Variants in CARM1 observed in about 807,000 individuals in gnomAD.
CARM1 encodes the protein coactivator associated arginine methyltransferase 1.
Under a neutral mutation model 72.7 loss-of-function variants are expected in CARM1, and 14 were observed. The observed-to-expected ratio is 0.19, with a 90% confidence interval of 0.13 to 0.30. The LOEUF (loss-of-function observed/expected upper bound fraction) is 0.30, where lower values mean the gene tolerates loss of function less well. Among genes scored for constraint, CARM1 ranks in the 10% least tolerant of loss-of-function variants. The probability of loss-of-function intolerance (pLI) is 1.00; values close to 1 mark genes in which losing one functional copy is unlikely to be tolerated. For synonymous variants in CARM1, 333 were observed against 345.5 expected, an observed-to-expected ratio of 0.96 and a Z score of 0.40; for missense variants, 432 against 833.7, an observed-to-expected ratio of 0.52 and a Z score of 5.93.
intron 1 of CARM1, among the ~76,000 whole-genome samples, chr19:10,877,594 G>A (rs1156328917): frequency 6.6e-6 from 1 of 151,346 alleles, no homozygotes; most frequent in Non-Finnish European, 1.5e-5. Flanking sequence ...GCTAATTTTT[G>A]TATTTTTAGT....
Position 10,905,024 on chromosome 19 carries a change from C to T in CARM1, c.294C>T (p.Phe98=). Residue 98 remains phenylalanine, a synonymous_variant, in exon 2 of 16, where the codon TTC becomes TTT. Transcript: ENST00000327064. ...GCAGCCGTGTGGGCAAGCAGTCCTT[C>T]ATCATCACCCTGGGCTGCAACAGCG... ...TECSRVGKQS[F]IITLGCNSVL... is the part of the protein sequence containing the mutation. 1 of 1,614,222 alleles carries T rather than the reference C, an allele frequency of 6.2e-7. No homozygotes were observed.
At chr19:10,921,178 C>G (rs935800355) in intron 14 of CARM1, 51 bp downstream of exon 14, 1 of 1,575,312 alleles carries the variant, frequency 6.3e-7, no homozygotes, top group African/African-American at 1.3e-5. Context: ...CCAGGACTGC[C>G]CAGGGGCCGG....
At chr19:10,899,362 G>A (rs893513905) in intron 1 of CARM1, among the ~76,000 whole-genome samples, 6 of 152,214 alleles carry the variant, frequency 3.9e-5, no homozygotes, top group African/African-American at 1.4e-4. Flanking sequence ...ACTTGCTGTC[G>A]CCCAGGTGTG....
intron 1 of CARM1, among the ~76,000 whole-genome samples, chr19:10,878,669 A>C (rs2073880338): frequency 6.6e-6 from 1 of 152,304 alleles, no homozygotes; most frequent in Admixed American, 6.5e-5. Flanking sequence ...TGTTCATCAC[A>C]AAGACCCAAA....
rs777731115 is a variant in CARM1, at chr19:10,920,629, C to T, written c.1335-30C>T. The T allele has an allele frequency of 6.2e-7, 1 of 1,614,028 alleles. No individual in the cohort carries two copies. Among genetic ancestry groups the T allele is most frequent in the South Asian group, 1.1e-5 (1 of 91,082 alleles). On this transcript the variant is annotated intron_variant, in intron 11 of 15. Coordinates refer to ENST00000327064, the MANE Select transcript of CARM1 (RefSeq NM_199141.2). This position sits in a 1 kb window ranked among gnomAD's most constrained non-coding sequence, Gnocchi z 5.3. ...GGGCAGGGGTCCATCTGCCCAGCAGCTCATGCCACGGCCTGCACCCTGTCC... is the reference window on the plus strand; with the variant it reads ...GGGCAGGGGTCCATCTGCCCAGCAGTTCATGCCACGGCCTGCACCCTGTCC...
intron 1 of CARM1, among the ~76,000 whole-genome samples, chr19:10,898,905 T>C (rs1473910170): frequency 6.6e-6 from 1 of 151,990 alleles, no homozygotes; most frequent in Non-Finnish European, 1.5e-5. Context: ...GCCTGGCCCA[T>C]GTAGGGACTA....
intron 9 of CARM1, 73 bp from the exon 10 acceptor site, chr19:10,919,804 A>C (rs764887820): frequency 1.3e-6 from 2 of 1,491,910 alleles, no homozygotes; most frequent in Non-Finnish European, 9.3e-7. Context: ...AGGCCTCTGC[A>C]CCTGGCACCC....
At chr19:10,917,197 GA>G (rs1334040193) in intron 8 of CARM1, among the ~76,000 whole-genome samples, 1 of 151,712 alleles carries the variant, frequency 6.6e-6, no homozygotes, top group Non-Finnish European at 1.5e-5. Context: ...AAATCAAAAG[GA>G]AAAAAAAGCT....
chr19:10,889,159 A>G (rs1187014635), intron 1 of CARM1, among the ~76,000 whole-genome samples: 1 of 152,140 alleles, frequency 6.6e-6, no homozygotes, highest in African/African-American at 2.4e-5. Context: ...GCAGGGGGAA[A>G]GGGCAGCTGC....
In CARM1 at chr19:10,920,845, C is replaced by T. The variant is rs1204949094; in HGVS notation, c.1436C>T (p.Thr479Ile). Residue 479 changes from threonine to isoleucine, a missense_variant, in exon 13 of 16, where the codon ACA becomes ATA. Transcript: ENST00000327064. The surrounding 1 kb of genome is among the most constrained non-coding windows in gnomAD (Gnocchi z 5.3). ...TGTCTCTGCCATAGATACACGGGCA[C>T]AACGCCCTCACCCCCACCCGGCTCC... ...LKNPFFRYTGTTPSPPPGSHY... is the reference protein window; with the variant it reads ...LKNPFFRYTGITPSPPPGSHY... 6.2e-7 allele frequency: 1 copy of T among 1,614,188 alleles called. No individual in the cohort carries two copies. The highest frequency in any genetic ancestry group is 8.5e-7 in the Non-Finnish European group (1 of 1,179,984).
chr19:10,905,096 T>C lies in CARM1; in HGVS notation c.346+20T>C, dbSNP rs1307515944. 1.9e-6 allele frequency: 3 copies of C among 1,610,904 alleles called. No homozygotes were observed. The highest frequency in any genetic ancestry group is 8.5e-7 in the Non-Finnish European group (1 of 1,178,822). ...CCAACGGTACGTGGCCCTCCTTCCA[T>C]TCCGGTGACACCAGCCCAAAGCGCC... is the stretch of plus-strand genomic sequence containing the variant. On this transcript the variant is annotated intron_variant, in intron 2 of 15. Coordinates refer to ENST00000327064, the MANE Select transcript of CARM1 (RefSeq NM_199141.2).
In CARM1 at chr19:10,897,728, C is replaced by T. The variant is rs1005763830; in HGVS notation, c.221-7223C>T. ...CTGGGCCGGGCACGGTGGCTCACACCGGTGATCTCAGCACTTTGGGAGGTC... is the reference window on the plus strand; with the variant it reads ...CTGGGCCGGGCACGGTGGCTCACACTGGTGATCTCAGCACTTTGGGAGGTC... On this transcript the variant is annotated intron_variant, in intron 1 of 15. Transcript: ENST00000327064. 3.3e-5 allele frequency among the ~76,000 whole-genome samples: 5 copies of T among 152,130 alleles called. No homozygotes were observed. In the East Asian group the frequency reaches 9.6e-4, roughly 29 times the overall value.
chr19:10,887,494 G>T (rs1199984246), intron 1 of CARM1, among the ~76,000 whole-genome samples: 1 of 152,248 alleles, frequency 6.6e-6, no homozygotes, highest in Non-Finnish European at 1.5e-5. Flanking sequence ...GGGCCAGAAG[G>T]GCTCCTGGAG....
intron 1 of CARM1, among the ~76,000 whole-genome samples, chr19:10,872,126 G>A (rs919028369): frequency 1.3e-5 from 2 of 152,096 alleles, no homozygotes; most frequent in East Asian, 1.9e-4. Context: ...TGGCCGGAGG[G>A]GCAAGGTGCC....
chr19:10,913,860 G>A lies in CARM1; in HGVS notation c.670-17G>A. On this transcript the variant is annotated splice_polypyrimidine_tract_variant and intron_variant, in intron 5 of 15. Transcript: ENST00000327064. Reference sequence around the variant, plus strand: ...AGGAAGACGCAGGGAAGCCCACATGGCCCTGCCCGCCTGCAGGTCTTGGTG... The same window carrying A: ...AGGAAGACGCAGGGAAGCCCACATGACCCTGCCCGCCTGCAGGTCTTGGTG... 1 of 1,608,058 alleles carries A rather than the reference G, an allele frequency of 6.2e-7. No homozygotes were observed. The highest frequency in any genetic ancestry group is 2.2e-5 in the East Asian group (1 of 44,790).
intron 1 of CARM1, among the ~76,000 whole-genome samples, chr19:10,879,058 C>T (rs1441499734): frequency 6.6e-6 from 1 of 152,140 alleles, no homozygotes; most frequent in Admixed American, 6.6e-5. Flanking sequence ...CCACCCGCCT[C>T]GGCCTCCCAA....
intron 1 of CARM1, among the ~76,000 whole-genome samples, chr19:10,902,958 G>A (rs1241337376): frequency 6.6e-6 from 1 of 152,014 alleles, no homozygotes; most frequent in Non-Finnish European, 1.5e-5. Context: ...TAGATGATTT[G>A]CAAATAGTTC....
Position 10,922,999 on chromosome 19 carries a change from T to C in CARM1, c.*1242T>C. Reference sequence around the variant, plus strand: ...CCTGTCCCAAAGCTCCCTGCTCGGCTGCCCCTCGCCCGCCTTTATATAAAT... The same window carrying C: ...CCTGTCCCAAAGCTCCCTGCTCGGCCGCCCCTCGCCCGCCTTTATATAAAT... On this transcript the variant is annotated 3_prime_UTR_variant, in exon 16 of 16. Coordinates refer to ENST00000327064, the MANE Select transcript of CARM1 (RefSeq NM_199141.2). 3.5e-6 allele frequency: 1 copy of C among 286,906 alleles called. No homozygotes were observed. Among genetic ancestry groups the C allele is most frequent in the Non-Finnish European group, 6.5e-6 (1 of 154,448 alleles). The allele number at this position is 286,906 out of a possible 1,614,324, so 17.8% of individuals were successfully genotyped here. A position where few individuals can be genotyped will look rare whatever the true frequency, so the allele number is the denominator to read the frequency against.
intron 3 of CARM1, 80 bp from the exon 4 acceptor site, chr19:10,909,023 G>C: frequency 9.3e-7 from 1 of 1,072,988 alleles, no homozygotes; most frequent in Non-Finnish European, 1.4e-6. Context: ...ATGGCCCCTT[G>C]CTCTATCACA....
Sources: allele counts gnomAD v4.1 joint callset (sites outside exome capture counted in the v4.1 genomes callset), GRCh38; gene constraint gnomAD v4.1.1; non-coding constraint Gnocchi (gnomAD v3.1); transcripts MANE v1.5; gene names NCBI Gene and HGNC (gene_info 2026-07-23, HGNC 2026-07-21).